ZCWPW2: variants seen among roughly 807,000 people sequenced by gnomAD.
ZCWPW2 encodes the protein zinc finger CW-type PWWP domain protein 2.
A neutral mutation model predicts 46.6 loss-of-function variants in ZCWPW2; 45 were observed. That is an observed-to-expected ratio of 0.96 (90% CI 0.76 to 1.24). The LOEUF is 1.24. ZCWPW2 is among the 50% of genes most tolerant of loss of function. The pLI is 0.00. For synonymous variants in ZCWPW2, 152 were observed against 137.1 expected (o/e 1.11, Z -0.76); for missense variants, 429 against 403.9 (o/e 1.06, Z -0.53).
chr3:28,492,228 T>A, intron 6 of ZCWPW2, 55 bp downstream of exon 6: 1 of 1,420,094 alleles, frequency 7.0e-7, no homozygotes, highest in Non-Finnish European at 9.5e-7. Flanking sequence ...CATTTAACAC[T>A]ATTCTTTAAA....
At chr3:28,381,982 G>A (rs1167999547) in intron 1 of ZCWPW2, among the ~76,000 whole-genome samples, 1 of 151,990 alleles carries the variant, frequency 6.6e-6, no homozygotes, top group Non-Finnish European at 1.5e-5. Flanking sequence ...GACCAACATG[G>A]AGAAGCCCCA....
chr3:28,398,436 C>T (rs1241509028), intron 2 of ZCWPW2, among the ~76,000 whole-genome samples: 1 of 152,120 alleles, frequency 6.6e-6, no homozygotes, highest in Non-Finnish European at 1.5e-5. Context: ...GGACGGGAGG[C>T]AGGACTAGAT....
intron 3 of ZCWPW2, 65 bp from the exon 4 acceptor site, chr3:28,435,045 A>T (rs1389565742): frequency 6.4e-7 from 1 of 1,552,496 alleles, no homozygotes; most frequent in African/African-American, 1.4e-5. Flanking sequence ...TATGCGATTG[A>T]TAGACGTGTT....
intron 3 of ZCWPW2, 67 bp downstream of exon 3, chr3:28,413,467 T>A: frequency 7.5e-7 from 1 of 1,325,062 alleles, no homozygotes; most frequent in Non-Finnish European, 1.0e-6. Context: ...ATTAAAAATC[T>A]TTTTGAAGAC....
intron 8 of ZCWPW2, among the ~76,000 whole-genome samples, chr3:28,520,456 A>G (rs1410845117): frequency 2.6e-5 from 4 of 152,158 alleles, no homozygotes; most frequent in Non-Finnish European, 5.9e-5. Flanking sequence ...TTAATAGTCT[A>G]TAGTAGAGAT....
intron 3 of ZCWPW2, among the ~76,000 whole-genome samples, chr3:28,423,055 T>G (rs1028242964): frequency 1.3e-5 from 2 of 152,184 alleles, no homozygotes; most frequent in South Asian, 4.1e-4. Flanking sequence ...TGGTTATTCA[T>G]TTTCTTATTG....
Position 28,414,681 on chromosome 3 carries a change from C to A in ZCWPW2, c.332+1281C>A, listed in dbSNP as rs1305026007. 4.8e-4 allele frequency among the ~76,000 whole-genome samples: 56 copies of A among 115,950 alleles called. 2 individuals are homozygous for A. Among genetic ancestry groups the A allele is most frequent in the Middle Eastern group, 3.9e-3 (1 of 258 alleles). 76.1% of individuals were successfully genotyped at this position (115,950 alleles called of 152,430 possible). ...GTCCATGTGTTCTCATTGTTCAATT[C>A]CCACCTATGAGTGAGAACATGCGGT... On this transcript the variant is annotated intron_variant, in intron 3 of 9. Coordinates refer to ENST00000383768, the MANE Select transcript of ZCWPW2 (RefSeq NM_001040432.4).
chr3:28,451,280 G>C (rs954699609), intron 4 of ZCWPW2, among the ~76,000 whole-genome samples: 1 of 152,142 alleles, frequency 6.6e-6, no homozygotes, highest in Non-Finnish European at 1.5e-5. Context: ...CTTGAAGGTA[G>C]ACATCATCAC....
rs190852928 is a variant in ZCWPW2, at chr3:28,476,065, A to G, written c.493-2749A>G. ...AGAAAATTTAAAAAATCAATTATATATAACTATTCCTAACATTCATTATAT... is the reference window on the plus strand; with the variant it reads ...AGAAAATTTAAAAAATCAATTATATGTAACTATTCCTAACATTCATTATAT... On this transcript the variant is annotated intron_variant, in intron 4 of 9. Coordinates refer to ENST00000383768, the MANE Select transcript of ZCWPW2 (RefSeq NM_001040432.4). Among the ~76,000 whole-genome samples, 63 of 151,636 alleles carry G rather than the reference A, an allele frequency of 4.2e-4. 1 individual carries two copies. Among genetic ancestry groups the G allele is most frequent in the African/African-American group, 1.5e-3 (62 of 41,446 alleles).
intron 1 of ZCWPW2, among the ~76,000 whole-genome samples, chr3:28,374,942 T>C (rs1705454449): frequency 6.6e-6 from 1 of 151,668 alleles, no homozygotes; most frequent in Non-Finnish European, 1.5e-5. Context: ...ACTATTATTA[T>C]ATTACGGTCT....
chr3:28,381,920 T>C (rs932158260), intron 1 of ZCWPW2, among the ~76,000 whole-genome samples: 1 of 151,992 alleles, frequency 6.6e-6, no homozygotes, highest in Non-Finnish European at 1.5e-5. Context: ...ATCCCAGCAA[T>C]AGGAGGCCAA....
intron 3 of ZCWPW2, among the ~76,000 whole-genome samples, chr3:28,432,152 A>G (rs1332356825): frequency 6.6e-6 from 1 of 152,192 alleles, no homozygotes; most frequent in African/African-American, 2.4e-5. Flanking sequence ...GGGGACACAA[A>G]GCCTAACCAT....
At chr3:28,488,793 T>G (rs2125813836) in intron 5 of ZCWPW2, among the ~76,000 whole-genome samples, 1 of 152,292 alleles carries the variant, frequency 6.6e-6, no homozygotes, top group African/African-American at 2.4e-5. Context: ...TGCTTTTCAC[T>G]CTTTATGATG....
intron 5 of ZCWPW2, among the ~76,000 whole-genome samples, chr3:28,489,687 C>G (rs1265515683): frequency 6.6e-6 from 1 of 151,492 alleles, no homozygotes; most frequent in African/African-American, 2.4e-5. Flanking sequence ...CACACACACA[C>G]ACACACACAC....
At chr3:28,353,788 C>A (rs866790418) in intron 1 of ZCWPW2, among the ~76,000 whole-genome samples, 17 of 152,002 alleles carry the variant, frequency 1.1e-4, no homozygotes, top group Admixed American at 8.5e-4. Flanking sequence ...TCCTAGAAAG[C>A]CTTTGACATG....
intron 4 of ZCWPW2, among the ~76,000 whole-genome samples, chr3:28,477,347 T>A (rs1699269653): frequency 6.6e-6 from 1 of 152,228 alleles, no homozygotes; most frequent in African/African-American, 2.4e-5. Flanking sequence ...TCACTGCTTT[T>A]ATGTCAAGTT....
At chr3:28,413,470 T>C in intron 3 of ZCWPW2, 70 bp downstream of exon 3, 2 of 1,298,442 alleles carry the variant, frequency 1.5e-6, no homozygotes, top group Non-Finnish European at 2.1e-6. Flanking sequence ...AAAAATCTTT[T>C]TGAAGACTAA....
intron 3 of ZCWPW2, among the ~76,000 whole-genome samples, chr3:28,433,718 T>A (rs1183131582): frequency 6.6e-6 from 1 of 150,388 alleles, no homozygotes; most frequent in Non-Finnish European, 1.5e-5. Context: ...ATCACACCAT[T>A]GGACTCCAGC....
At chr3:28,361,509 A>G (rs1371854130) in intron 1 of ZCWPW2, among the ~76,000 whole-genome samples, 1 of 144,362 alleles carries the variant, frequency 6.9e-6, no homozygotes, top group Non-Finnish European at 1.6e-5. Flanking sequence ...CCAAAAGCAC[A>G]GGAATAAAAG....
Sources: gnomAD v4.1 joint callset for allele counts (sites outside exome capture counted in the v4.1 genomes callset) on GRCh38, gnomAD v4.1.1 for gene constraint, MANE v1.5 for transcripts, NCBI Gene and HGNC (gene_info 2026-07-23, HGNC 2026-07-21) for gene names.